Variants in UFD1 observed in about 807,000 individuals in gnomAD.
UFD1 encodes ubiquitin recognition factor in ER associated degradation 1, also known as ubiquitin recognition factor in ER-associated degradation protein 1.
A neutral mutation model predicts 45.9 loss-of-function variants in UFD1; 13 were observed. The observed-to-expected ratio is 0.28, with a 90% confidence interval of 0.18 to 0.45. The LOEUF (loss-of-function observed/expected upper bound fraction) is 0.45, where lower values mean the gene tolerates loss of function less well. Among genes scored for constraint, UFD1 ranks in the 20% least tolerant of loss-of-function variants. The pLI, the probability that UFD1 is intolerant of heterozygous loss-of-function variation, is 1.00. For missense variants in UFD1, 218 were observed against 389.2 expected (o/e 0.56, Z 3.70); for synonymous variants, 128 against 139.2 (o/e 0.92, Z 0.56).
At chr22:19,459,858 C>G (rs2089752785) in intron 6 of UFD1, among the ~76,000 whole-genome samples, 1 of 151,332 alleles carries the variant, frequency 6.6e-6, no homozygotes. Flanking sequence ...CTTGCCTCAG[C>G]CTCCCAAGTA....
chr22:19,469,210 G>T (rs895206375), intron 4 of UFD1, among the ~76,000 whole-genome samples: 2 of 152,230 alleles, frequency 1.3e-5, no homozygotes, highest in African/African-American at 4.8e-5. Context: ...GTTCTAACAG[G>T]AAGTATTCTA....
Position 19,470,883 on chromosome 22 carries a change from C to G in UFD1, c.291+804G>C, listed in dbSNP as rs2146305108. On this transcript the variant is annotated intron_variant, in intron 4 of 11. Transcript: ENST00000263202. Reference sequence around the variant, plus strand: ...CTCCCTGGTGGCAGCCAAGCAAGCACTCCTGAGAGTTTCCAGCCCACAGCT... The same window carrying G: ...CTCCCTGGTGGCAGCCAAGCAAGCAGTCCTGAGAGTTTCCAGCCCACAGCT... 2 of 453,058 alleles carry G rather than the reference C, an allele frequency of 4.4e-6. 1 individual carries two copies. The highest frequency in any genetic ancestry group is 1.3e-3 in the Middle Eastern group (2 of 1,544). The allele number at this position is 453,058 out of a possible 1,614,324, so 28.1% of individuals were successfully genotyped here.
intron 11 of UFD1, chr22:19,450,988 G>T: frequency 1.7e-6 from 2 of 1,166,638 alleles, no homozygotes; most frequent in Non-Finnish European, 2.2e-6. Context: ...ATAGCTCAGT[G>T]TGGTATGTGC....
intron 4 of UFD1, chr22:19,471,214 G>C: frequency 2.0e-6 from 1 of 510,664 alleles, no homozygotes; most frequent in Non-Finnish European, 3.9e-6. Flanking sequence ...TCCAAAGAGA[G>C]CCTGCTTGTA....
At chr22:19,468,115 C>T (rs1217762880) in intron 4 of UFD1, 112 bp from the exon 5 acceptor site, 2 of 1,413,666 alleles carry the variant, frequency 1.4e-6, no homozygotes, top group Non-Finnish European at 1.9e-6. Context: ...GAAGAGGAAC[C>T]TGAGCCAAGA....
chr22:19,471,379 A>G (rs1282477965), intron 4 of UFD1: 1 of 630,562 alleles, frequency 1.6e-6, no homozygotes, highest in Non-Finnish European at 3.0e-6. Context: ...CCTAAAAAAT[A>G]CTGTTGCTCC....
In UFD1 at chr22:19,458,144, G is replaced by C; in HGVS notation, c.496-5C>G. ...CATCACACGCAGTTCGTAGATCTGT[G>C]GGGCAAACACAGAAATCAGTTGGAT... On this transcript the variant is annotated splice_polypyrimidine_tract_variant and splice_region_variant and intron_variant, in intron 6 of 11. Transcript: ENST00000263202. 6.2e-7 allele frequency: 1 copy of C among 1,613,920 alleles called. No homozygotes were observed. Among genetic ancestry groups the C allele is most frequent in the Non-Finnish European group, 8.5e-7 (1 of 1,179,878 alleles).
chr22:19,478,434 T>TCTA (rs1364490491), intron 1 of UFD1, among the ~76,000 whole-genome samples: 2 of 152,208 alleles, frequency 1.3e-5, no homozygotes, highest in Non-Finnish European at 2.9e-5. Flanking sequence ...ATAAAGTACC[T>TCTA]CTGTAAACGT....
intron 2 of UFD1, 150 bp downstream of exon 2, chr22:19,475,320 C>G (rs971361376): frequency 7.0e-6 from 9 of 1,294,764 alleles, no homozygotes; most frequent in Middle Eastern, 2.8e-4. Context: ...CACCCCACCC[C>G]AACAGAGCAA....
At chr22:19,463,185 T>C (rs1463928381) in intron 6 of UFD1, among the ~76,000 whole-genome samples, 1 of 152,252 alleles carries the variant, frequency 6.6e-6, no homozygotes, top group African/African-American at 2.4e-5. Flanking sequence ...CCTCCATTCT[T>C]TCCTACTGGG....
Position 19,477,711 on chromosome 22 carries a change from T to G in UFD1, c.3+1372A>C, listed in dbSNP as rs147267740. ...ACCACAACTAAAAAAAAATCTGTAT[T>G]AGAGAAAATTTCTTGACTTGATTCC... On this transcript the variant is annotated intron_variant, in intron 1 of 11. Coordinates refer to ENST00000263202, the MANE Select transcript of UFD1 (RefSeq NM_005659.7). Among the ~76,000 whole-genome samples the G allele has an allele frequency of 6.9e-4, 105 of 152,236 alleles. No individual in the cohort carries two copies. In the Middle Eastern group the frequency reaches 0.02, roughly 30 times the overall value.
chr22:19,477,661 A>T (rs908946077), intron 1 of UFD1, among the ~76,000 whole-genome samples: 1 of 150,398 alleles, frequency 6.6e-6, no homozygotes, highest in Non-Finnish European at 1.5e-5. Context: ...AAAACGGTTA[A>T]GATGATAAAA....
At chr22:19,467,758 A>G in intron 5 of UFD1, 115 bp downstream of exon 5, 1 of 1,505,262 alleles carries the variant, frequency 6.6e-7, no homozygotes, top group Admixed American at 2.1e-5. Flanking sequence ...CACAACTTGA[A>G]TCACAAATGT....
intron 6 of UFD1, among the ~76,000 whole-genome samples, chr22:19,458,479 T>C (rs562528438): frequency 3.6e-4 from 55 of 152,376 alleles, no homozygotes; most frequent in Non-Finnish European, 7.1e-4. Context: ...AATCTCGCTC[T>C]ATCGCCCAGG....
intron 11 of UFD1, chr22:19,453,483 A>G: frequency 1.0e-6 from 1 of 985,456 alleles, no homozygotes; most frequent in Non-Finnish European, 1.2e-6. Context: ...GTAAATTTGC[A>G]ACAGTCAGGT....
chr22:19,479,139 C>T lies in UFD1; in HGVS notation c.-54G>A. ...CTCTCAGGCAATGCAACGAAGAAAC[C>T]CCGCCGACCGCTCTCCCAGCCGCCG... On this transcript the variant is annotated 5_prime_UTR_variant, in exon 1 of 12. Transcript: ENST00000263202. 1 of 1,601,732 alleles carries T rather than the reference C, an allele frequency of 6.2e-7. No homozygotes were observed.
Position 19,474,703 on chromosome 22 carries a change from C to T in UFD1, c.169+365G>A, listed in dbSNP as rs530944099. Among the ~76,000 whole-genome samples, 78 of 152,244 alleles carry T rather than the reference C, an allele frequency of 5.1e-4. No homozygotes were observed. The South Asian group carries it at 6.8e-3, about 13-fold the overall frequency. ...AAAATCTAGTGAGCCCAGCCAATGG[C>T]ATCAGCTGCCCTGGCACGGTACAAA... is the stretch of plus-strand genomic sequence containing the variant. On this transcript the variant is annotated intron_variant, in intron 3 of 11. Transcript: ENST00000263202.
At chr22:19,471,939 C>G (rs2089849323) in intron 3 of UFD1, 131 bp from the exon 4 acceptor site, 2 of 1,304,448 alleles carry the variant, frequency 1.5e-6, no homozygotes. Flanking sequence ...GATGAATCCC[C>G]CTCTGTGAGA....
intron 1 of UFD1, chr22:19,478,669 C>G (rs552256543): frequency 1.1e-5 from 2 of 188,760 alleles, no homozygotes; most frequent in East Asian, 1.5e-4. Context: ...GGGGCAAGAG[C>G]TGGGTGTCCC....
Sources: allele counts gnomAD v4.1 joint callset (sites outside exome capture counted in the v4.1 genomes callset), GRCh38; gene constraint gnomAD v4.1.1; transcripts MANE v1.5; gene names NCBI Gene and HGNC (gene_info 2026-07-23, HGNC 2026-07-21).